DENND1B: variants seen among roughly 807,000 people sequenced by gnomAD.
The protein encoded by DENND1B is DENN domain-containing protein 1B.
Under a neutral mutation model 90.1 loss-of-function variants are expected in DENND1B, and 59 were observed. The ratio of observed to expected loss-of-function variants is 0.65; its 90% CI spans 0.53 to 0.81. DENND1B has a LOEUF of 0.81. DENND1B is among the 40% of genes least tolerant of loss of function. The pLI, the probability that DENND1B is intolerant of heterozygous loss-of-function variation, is 0.00. For synonymous variants in DENND1B, 337 were observed against 324.6 expected, an observed-to-expected ratio of 1.04 and a Z score of -0.41; for missense variants, 862 against 912.6, an observed-to-expected ratio of 0.94 and a Z score of 0.71.
At position 197,672,124 on chromosome 1, in the gene DENND1B, G is replaced by C. The variant is rs976353916; in HGVS notation, c.209C>G (p.Thr70Ser). The change falls in exon 5 of 23, where the codon ACC (threonine) becomes AGC (serine). Residue 70 changes from threonine to serine, a missense_variant. Coordinates refer to ENST00000620048, the MANE Select transcript of DENND1B (RefSeq NM_001195215.2). ...VSQNQVGQHF[T>S]FVLTDIESKQ... ...ACTTTCAATGTCTGTCAGTACAAAG[G>C]TAAAGTGCTGTCCAACTTGATTCTG... is the stretch of plus-strand genomic sequence containing the variant. 5 of 1,611,874 alleles carry C rather than the reference G, an allele frequency of 3.1e-6. No homozygotes were observed. Among genetic ancestry groups the C allele is most frequent in the Non-Finnish European group, 4.2e-6 (5 of 1,178,862 alleles).
chr1:197,578,705 A>C (rs185786335), intron 15 of DENND1B, among the ~76,000 whole-genome samples: 5 of 152,352 alleles, frequency 3.3e-5, no homozygotes, highest in Admixed American at 3.3e-4. Context: ...TTTTTAAAAA[A>C]TAAAATACAA....
intron 3 of DENND1B, among the ~76,000 whole-genome samples, chr1:197,707,751 C>T (rs1033108340): frequency 2.7e-5 from 4 of 148,544 alleles, no homozygotes; most frequent in African/African-American, 7.4e-5. Context: ...GGAACAGCTC[C>T]GGTCTACAGC....
chr1:197,638,992 A>T (rs1680038401), intron 10 of DENND1B, among the ~76,000 whole-genome samples: 1 of 152,118 alleles, frequency 6.6e-6, no homozygotes, highest in Admixed American at 6.6e-5. Flanking sequence ...AATGTTGAAA[A>T]CATAACAATA....
chr1:197,624,770 A>G (rs1291729603), intron 10 of DENND1B, among the ~76,000 whole-genome samples: 1 of 151,884 alleles, frequency 6.6e-6, no homozygotes, highest in African/African-American at 2.4e-5. Flanking sequence ...AAACTTTGAA[A>G]AAATTTTAGA....
chr1:197,715,153 A>G (rs916638772), intron 2 of DENND1B, 79 bp from the exon 3 acceptor site: 6 of 1,182,930 alleles, frequency 5.1e-6, no homozygotes, highest in Non-Finnish European at 7.3e-6. Flanking sequence ...AACACTCTTA[A>G]AATTGTCAAA....
intron 3 of DENND1B, among the ~76,000 whole-genome samples, chr1:197,676,542 T>C (rs947659781): frequency 6.6e-6 from 1 of 152,070 alleles, no homozygotes; most frequent in African/African-American, 2.4e-5. Flanking sequence ...TCTACAGACT[T>C]TTGCATTTAA....
intron 20 of DENND1B, among the ~76,000 whole-genome samples, chr1:197,520,752 A>G (rs1334240959): frequency 1.3e-5 from 2 of 151,978 alleles, no homozygotes; most frequent in Non-Finnish European, 2.9e-5. Context: ...TCATTCTGAT[A>G]CAAAGAATTA....
At chr1:197,634,595 C>G (rs1396459373) in intron 10 of DENND1B, among the ~76,000 whole-genome samples, 1 of 152,120 alleles carries the variant, frequency 6.6e-6, no homozygotes, top group Non-Finnish European at 1.5e-5. Flanking sequence ...ATACATTTTT[C>G]CCTAAGGCAT....
At chr1:197,511,673 A>G in intron 22 of DENND1B, 55 bp downstream of exon 22, 1 of 1,421,864 alleles carries the variant, frequency 7.0e-7, no homozygotes, top group Non-Finnish European at 9.5e-7. Flanking sequence ...CAGTAATCAC[A>G]GCCAAGGCAA....
intron 2 of DENND1B, among the ~76,000 whole-genome samples, chr1:197,751,977 G>GAGAAGA (rs151250989): frequency 1.4e-5 from 2 of 138,802 alleles, no homozygotes; most frequent in African/African-American, 2.7e-5. Flanking sequence ...GGAGGAGAAG[G>GAGAAGA]AGAAGAAGAA....
chr1:197,775,061 G>T, intron 1 of DENND1B, 78 bp downstream of exon 1: 2 of 1,016,046 alleles, frequency 2.0e-6, no homozygotes, highest in Non-Finnish European at 2.5e-6. Context: ...GAGCGCGGAG[G>T]CGCGGAGGAG....
chr1:197,659,811 C>G (rs1654228656), intron 5 of DENND1B, among the ~76,000 whole-genome samples: 1 of 151,916 alleles, frequency 6.6e-6, no homozygotes, highest in East Asian at 1.9e-4. Context: ...CCCTCGAAGT[C>G]CTATTTTCTT....
chr1:197,690,986 T>C (rs761764995), intron 3 of DENND1B, among the ~76,000 whole-genome samples: 1 of 151,862 alleles, frequency 6.6e-6, no homozygotes. Context: ...GAAGAAAACA[T>C]GGAAAAACTT....
At chr1:197,520,110 G>A (rs542977833) in intron 20 of DENND1B, among the ~76,000 whole-genome samples, 2 of 151,834 alleles carry the variant, frequency 1.3e-5, no homozygotes, top group Non-Finnish European at 2.9e-5. Context: ...AATATTTATT[G>A]AGAACCTACT....
At chr1:197,707,342 T>C (rs939151183) in intron 3 of DENND1B, among the ~76,000 whole-genome samples, 2 of 152,018 alleles carry the variant, frequency 1.3e-5, no homozygotes, top group African/African-American at 4.8e-5. Context: ...AATGGTGTTC[T>C]AGTGTTCTAT....
chr1:197,690,239 T>C, intron 3 of DENND1B: 1 of 278,356 alleles, frequency 3.6e-6, no homozygotes, highest in Non-Finnish European at 7.3e-6. Flanking sequence ...ATGTTGCTGG[T>C]GACAGCAAAA....
intron 2 of DENND1B, among the ~76,000 whole-genome samples, chr1:197,756,789 C>A (rs1654363514): frequency 6.6e-6 from 1 of 151,102 alleles, no homozygotes; most frequent in Non-Finnish European, 1.5e-5. Flanking sequence ...ATTATCAGAA[C>A]CCATAATTAG....
chr1:197,550,109 G>A (rs1442613245), intron 16 of DENND1B, among the ~76,000 whole-genome samples: 1 of 151,998 alleles, frequency 6.6e-6, no homozygotes, highest in African/African-American at 2.4e-5. Flanking sequence ...GTTGCTTAAA[G>A]GAACACAATT....
At chr1:197,780,988 A>G in the DENND1B span, among the ~76,000 whole-genome samples, 1 of 152,102 alleles carries the variant, frequency 6.6e-6, no homozygotes, top group South Asian at 2.1e-4. Flanking sequence ...TGGCTTCCCA[A>G]CCCCAACCAC....
Sources: gnomAD v4.1 joint callset for allele counts (sites outside exome capture counted in the v4.1 genomes callset) on GRCh38, gnomAD v4.1.1 for gene constraint, MANE v1.5 for transcripts, NCBI Gene and HGNC (gene_info 2026-07-23, HGNC 2026-07-21) for gene names.